The following ZNF185 variants were observed in gnomAD, a reference collection of about 807,000 sequenced individuals.
ZNF185 encodes the protein zinc finger protein 185.
A neutral mutation model predicts 58.6 loss-of-function variants in ZNF185; 56 were observed. The ratio of observed to expected loss-of-function variants is 0.95; its 90% CI spans 0.77 to 1.19. The LOEUF (loss-of-function observed/expected upper bound fraction) is 1.19. Among genes scored for constraint, ZNF185 ranks in the 50% most tolerant of loss-of-function variants. The pLI is 0.00. For synonymous variants in ZNF185, 230 were observed against 215.9 expected, an observed-to-expected ratio of 1.07 and a Z score of -0.57; for missense variants, 627 against 573.5, an observed-to-expected ratio of 1.09 and a Z score of -0.95.
the ZNF185 span, among the ~76,000 whole-genome samples, chrX:152,908,924 G>A: frequency 1.8e-5 from 2 of 113,465 alleles, no homozygotes; most frequent in Non-Finnish European, 3.7e-5. Flanking sequence ...CAGGGTGCCC[G>A]CCTGACACAG....
At chrX:152,905,994 G>T in the ZNF185 span, among the ~76,000 whole-genome samples, 1 of 112,698 alleles carries the variant, frequency 8.9e-6, no homozygotes, top group South Asian at 3.7e-4. Flanking sequence ...GGACTGGGGG[G>T]AAAGGTGTAG....
At chrX:152,937,584 C>T (rs1462898647) in intron 14 of ZNF185, among the ~76,000 whole-genome samples, 1 of 112,008 alleles carries the variant, frequency 8.9e-6, no homozygotes, top group Non-Finnish European at 1.9e-5. Context: ...CTGAGCCAAG[C>T]CCCAAGAGAC....
intron 16 of ZNF185, among the ~76,000 whole-genome samples, chrX:152,947,107 G>A (rs782597927): frequency 1.1e-4 from 12 of 112,274 alleles, no homozygotes; most frequent in African/African-American, 2.9e-4. Context: ...CGGGCTTGGC[G>A]TGGTGGCTCA....
exon 4 of ZNF185, chrX:152,917,151 C>T: frequency 5.0e-6 from 6 of 1,211,528 alleles, no homozygotes; most frequent in Non-Finnish European, 6.7e-6. Context: ...ACAAGGGCTC[C>T]CACTGGCTAC....
At chrX:152,906,893 C>G in the ZNF185 span, among the ~76,000 whole-genome samples, 6 of 110,823 alleles carry the variant, frequency 5.4e-5, no homozygotes, top group Non-Finnish European at 1.1e-4. Context: ...CCATGAGCAG[C>G]GATATTCAGT....
At chrX:152,965,353 G>A (rs1197313842) in intron 18 of ZNF185, 94 bp from the exon 21 acceptor site, 10 of 778,298 alleles carry the variant, frequency 1.3e-5, no homozygotes, top group Non-Finnish European at 1.7e-5. Context: ...AAACCAGGCT[G>A]GGTCTCCCCA....
chrX:152,938,408 C>G (rs782511490), intron 15 of ZNF185, among the ~76,000 whole-genome samples: 1 of 112,610 alleles, frequency 8.9e-6, no homozygotes, highest in Non-Finnish European at 1.9e-5. Flanking sequence ...TCAGCAACCA[C>G]TCTGACAGCA....
Position 152,922,195 on chromosome X carries a change from G to A in ZNF185, c.679G>A (p.Gly227Arg), listed in dbSNP as rs782424428. ...AAGGGTGGAGGTGGTGGAAGAGGAC[G>A]GGCCTTCTGAGAAGAGCCAGGACCC... is the stretch of plus-strand genomic sequence containing the variant. Residue 227 changes from glycine to arginine, a missense_variant, in exon 10 of 23, where the codon GGG (glycine) becomes AGG (arginine). Transcript: ENST00000449285. 51 of 1,193,840 alleles carry A rather than the reference G, an allele frequency of 4.3e-5. No individual in the cohort carries two copies. The highest frequency in any genetic ancestry group is 5.2e-5 in the Non-Finnish European group (46 of 886,998).
intron 16 of ZNF185, among the ~76,000 whole-genome samples, chrX:152,950,675 C>A (rs889024220): frequency 9.0e-6 from 1 of 111,510 alleles, no homozygotes; most frequent in African/African-American, 3.3e-5. Context: ...AAGAACTAAT[C>A]CTTTGAGATT....
At chrX:152,905,719 G>GC in the ZNF185 span, among the ~76,000 whole-genome samples, 1 of 105,404 alleles carries the variant, frequency 9.5e-6, no homozygotes, top group Non-Finnish European at 1.9e-5. Flanking sequence ...GGCTTGGGGG[G>GC]GGGGCGGGGT....
At chrX:152,910,391 G>A (rs1310782178), upstream of ZNF185, among the ~76,000 whole-genome samples, 1 of 112,186 alleles carries the variant, frequency 8.9e-6, no homozygotes, top group Non-Finnish European at 1.9e-5. Flanking sequence ...TTTTTCCCCT[G>A]TGCATTTTTA....
chrX:152,937,576 G>C lies in ZNF185; in HGVS notation c.1122-498G>C, dbSNP rs782451324. The stretch of plus-strand genomic sequence containing the variant: ...CCGCCATGTCAAGCTATGTTGAGCT[G>C]AGCCAAGCCCCAAGAGACATGTCCC... On this transcript the variant is annotated intron_variant, in intron 14 of 22. Transcript: ENST00000449285. 3.6e-5 allele frequency among the ~76,000 whole-genome samples: 4 copies of C among 111,992 alleles called. No homozygotes were observed. The South Asian group carries it at 1.5e-3, about 41-fold the overall frequency.
chrX:152,898,254 C>A, the ZNF185 span, among the ~76,000 whole-genome samples: 1,415 of 111,585 alleles, frequency 0.013, 14 homozygotes, highest in African/African-American at 0.027. Flanking sequence ...GCTGTCGAGT[C>A]GCCATTGGAT....
chrX:152,952,158 G>A (rs2048360610), intron 16 of ZNF185, among the ~76,000 whole-genome samples: 1 of 112,134 alleles, frequency 8.9e-6, no homozygotes, highest in South Asian at 3.6e-4. Flanking sequence ...ATATATGCTT[G>A]TATTCTGTTG....
At chrX:152,925,174 T>G (rs782335347) in intron 11 of ZNF185, among the ~76,000 whole-genome samples, 1 of 111,391 alleles carries the variant, frequency 9.0e-6, no homozygotes, top group East Asian at 2.9e-4. Flanking sequence ...GGAGCATTGA[T>G]GTACACCTGT....
the ZNF185 span, among the ~76,000 whole-genome samples, chrX:152,908,028 C>T: frequency 8.9e-6 from 1 of 112,649 alleles, no homozygotes; most frequent in Non-Finnish European, 1.9e-5. Context: ...CATGTTCTAG[C>T]TTGGTGTATC....
intron 16 of ZNF185, among the ~76,000 whole-genome samples, chrX:152,957,146 C>G (rs1445327489): frequency 1.9e-5 from 2 of 107,746 alleles, no homozygotes; most frequent in African/African-American, 6.8e-5. Context: ...CGGCTCACTG[C>G]AACCTCTGTC....
In ZNF185 at chrX:152,959,736, A is replaced by T; in HGVS notation, c.1447A>T (p.Lys483Ter). The change falls in exon 17 of 23, where the codon AAG becomes TAG. Residue 483 changes from lysine to a stop codon, truncating the protein, a stop_gained. Coordinates refer to ENST00000449285, the Ensembl canonical transcript of ZNF185. LOFTEE classifies it high-confidence loss of function. Reference sequence around the variant, plus strand: ...TTTTGAGGGGAAGGATGTGGCCACCAAGGTCGGAGAGGCCTGGCAGGACAG... The same window carrying T: ...TTTTGAGGGGAAGGATGTGGCCACCTAGGTCGGAGAGGCCTGGCAGGACAG... 1 of 1,211,649 alleles carries T rather than the reference A, an allele frequency of 8.3e-7. No homozygotes were observed. Among genetic ancestry groups the T allele is most frequent in the South Asian group, 1.8e-5 (1 of 56,957 alleles).
At chrX:152,918,743 G>A (rs921804026) in intron 6 of ZNF185, among the ~76,000 whole-genome samples, 10 of 111,818 alleles carry the variant, frequency 8.9e-5, no homozygotes, top group African/African-American at 1.3e-4. Context: ...ACATCTTTCC[G>A]TTGTTTGTCC....
Sources: gnomAD v4.1 joint callset for allele counts (sites outside exome capture counted in the v4.1 genomes callset) on GRCh38, gnomAD v4.1.1 for gene constraint, MANE v1.5 for transcripts, NCBI Gene and HGNC (gene_info 2026-07-23, HGNC 2026-07-21) for gene names.